The following SNTG1 variants were observed in gnomAD, a reference collection of about 807,000 sequenced individuals.
SNTG1 encodes the protein gamma-1-syntrophin.
In SNTG1, 39 loss-of-function variants were observed where a neutral mutation model predicts 74.7. The ratio of observed to expected loss-of-function variants is 0.52; its 90% CI spans 0.40 to 0.68. SNTG1 has a LOEUF of 0.68. SNTG1 is among the 30% of genes least tolerant of loss of function. The pLI is 0.00. For synonymous variants in SNTG1, 254 were observed against 217.1 expected (o/e 1.17, Z -1.49); for missense variants, 685 against 609.5 (o/e 1.12, Z -1.30).
chr8:50,480,455 T>G (rs1421219816), intron 8 of SNTG1, among the ~76,000 whole-genome samples: 1 of 152,208 alleles, frequency 6.6e-6, no homozygotes, highest in African/African-American at 2.4e-5. Flanking sequence ...GCTTGGTTTA[T>G]TTAAATTTAT....
At chr8:50,507,119 G>A (rs147465076) in intron 9 of SNTG1, among the ~76,000 whole-genome samples, 5 of 151,740 alleles carry the variant, frequency 3.3e-5, no homozygotes, top group African/African-American at 4.8e-5. Context: ...ATTGTGATGT[G>A]TTAATTACAT....
chr8:50,339,222 G>A (rs1426987621), intron 2 of SNTG1, among the ~76,000 whole-genome samples: 1 of 152,062 alleles, frequency 6.6e-6, no homozygotes, highest in Non-Finnish European at 1.5e-5. Flanking sequence ...CAAATGTAAA[G>A]AAGGAATGAA....
chr8:49,972,725 A>G (rs1420606102), intron 1 of SNTG1, among the ~76,000 whole-genome samples: 1 of 152,334 alleles, frequency 6.6e-6, no homozygotes, highest in South Asian at 2.1e-4. Flanking sequence ...GACACTTCTC[A>G]AAAGAAGACA....
Position 50,781,272 on chromosome 8 carries a change from T to G in SNTG1, c.1396-11399T>G, listed in dbSNP as rs12675831. On this transcript the variant is annotated intron_variant, in intron 18 of 18. Coordinates refer to ENST00000642720, the MANE Select transcript of SNTG1 (RefSeq NM_018967.5). ...CCTGGGTATCCTTGTTAACTTTCTG[T>G]CTCATTGATCTGTCTAATGTTGACA... 6.1e-3 allele frequency among the ~76,000 whole-genome samples: 922 copies of G among 152,292 alleles called. 41 individuals are homozygous for G. The East Asian group carries it at 0.084, about 14-fold the overall frequency.
chr8:49,924,076 T>G (rs1427612387), intron 1 of SNTG1, among the ~76,000 whole-genome samples: 1 of 152,180 alleles, frequency 6.6e-6, no homozygotes, highest in Non-Finnish European at 1.5e-5. Context: ...AGGTTAATTT[T>G]TAATGAATAG....
chr8:50,748,496 T>A (rs1386540968), intron 17 of SNTG1, among the ~76,000 whole-genome samples: 2 of 152,010 alleles, frequency 1.3e-5, no homozygotes, highest in Non-Finnish European at 2.9e-5. Flanking sequence ...CATATGACAG[T>A]GTGAATGTAT....
chr8:50,102,410 G>GT, intron 1 of SNTG1, among the ~76,000 whole-genome samples: 1 of 150,176 alleles, frequency 6.7e-6, no homozygotes, highest in Non-Finnish European at 1.5e-5. Context: ...GGGGTTGTTT[G>GT]TTTTTTTCTT....
intron 12 of SNTG1, among the ~76,000 whole-genome samples, chr8:50,585,416 C>A (rs1283801257): frequency 6.6e-6 from 1 of 152,150 alleles, no homozygotes; most frequent in Non-Finnish European, 1.5e-5. Context: ...CCTTCAAGTT[C>A]AAACACAGCC....
intron 3 of SNTG1, among the ~76,000 whole-genome samples, chr8:50,394,755 A>G (rs1056746215): frequency 6.6e-6 from 1 of 152,094 alleles, no homozygotes; most frequent in Non-Finnish European, 1.5e-5. Flanking sequence ...TATTTCAAGG[A>G]TGATAAACAG....
intron 2 of SNTG1, among the ~76,000 whole-genome samples, chr8:50,343,246 A>T (rs1207035175): frequency 2.0e-5 from 3 of 152,218 alleles, no homozygotes; most frequent in Admixed American, 2.0e-4. Flanking sequence ...AAGAACGACC[A>T]TCAGCATTGA....
chr8:50,679,128 GA>G (rs1330619623), intron 15 of SNTG1, among the ~76,000 whole-genome samples: 1 of 152,028 alleles, frequency 6.6e-6, no homozygotes, highest in African/African-American at 2.4e-5. Context: ...GGGCTTCATA[GA>G]AACTAAGACA....
intron 1 of SNTG1, among the ~76,000 whole-genome samples, chr8:50,064,426 A>T (rs1005543963): frequency 3.3e-5 from 5 of 152,076 alleles, no homozygotes; most frequent in Middle Eastern, 6.8e-3. Flanking sequence ...TCCCACCATC[A>T]CTCCTACATA....
chr8:50,211,293 T>TA (rs1282885581), intron 2 of SNTG1, among the ~76,000 whole-genome samples: 2 of 152,174 alleles, frequency 1.3e-5, no homozygotes, highest in East Asian at 3.8e-4. Context: ...TTTAATATCT[T>TA]AAATGCACCC....
At position 50,080,650 on chromosome 8, in the gene SNTG1, G is replaced by A. The variant is rs546181997; in HGVS notation, c.-102-91911G>A. Among the ~76,000 whole-genome samples the A allele has an allele frequency of 4.6e-5, 7 of 152,216 alleles. No homozygotes were observed. In the East Asian group the frequency reaches 1.3e-3, roughly 29 times the overall value. On this transcript the variant is annotated intron_variant, in intron 1 of 18. Transcript: ENST00000642720. ...TAGTGTTGGTTTATGTTAGGGGTTG[G>A]CAAACATTTTTGTAAAGATAGCAAA...
chr8:50,339,383 A>C (rs1215749048), intron 2 of SNTG1, among the ~76,000 whole-genome samples: 2 of 151,976 alleles, frequency 1.3e-5, no homozygotes, highest in African/African-American at 2.4e-5. Flanking sequence ...AAATAAAAAC[A>C]AGATCTTGTT....
At chr8:50,076,309 C>A (rs1347548729) in intron 1 of SNTG1, among the ~76,000 whole-genome samples, 2 of 151,904 alleles carry the variant, frequency 1.3e-5, no homozygotes, top group Admixed American at 6.6e-5. Context: ...CAAAAAAAAA[C>A]CTGAATTCTT....
chr8:50,105,021 CT>C (rs2080310615), intron 1 of SNTG1, among the ~76,000 whole-genome samples: 1 of 152,002 alleles, frequency 6.6e-6, no homozygotes, highest in Non-Finnish European at 1.5e-5. Flanking sequence ...TTCTTTTGCT[CT>C]GCAGAAGCCT....
intron 1 of SNTG1, among the ~76,000 whole-genome samples, chr8:50,140,147 G>C (rs1744692826): frequency 6.6e-6 from 1 of 152,164 alleles, no homozygotes; most frequent in African/African-American, 2.4e-5. Flanking sequence ...GCACTGATGA[G>C]GCAAATCTTT....
chr8:49,993,897 C>A (rs1193209221), intron 1 of SNTG1, among the ~76,000 whole-genome samples: 1 of 152,102 alleles, frequency 6.6e-6, no homozygotes, highest in Non-Finnish European at 1.5e-5. Context: ...ACGAATGAAA[C>A]ATTAGAACCA....
Sources: allele counts gnomAD v4.1 joint callset (sites outside exome capture counted in the v4.1 genomes callset), GRCh38; gene constraint gnomAD v4.1.1; transcripts MANE v1.5; gene names NCBI Gene and HGNC (gene_info 2026-07-23, HGNC 2026-07-21).